Variants in ARHGEF4 observed in about 807,000 individuals in gnomAD.
ARHGEF4 encodes Rho guanine nucleotide exchange factor 4, also known as APC-stimulated guanine nucleotide exchange factor 1.
A neutral mutation model predicts 162.0 loss-of-function variants in ARHGEF4; 119 were observed. The observed-to-expected ratio is 0.73, with a 90% CI of 0.63 to 0.86. The LOEUF is 0.86. ARHGEF4 is among the 40% of genes least tolerant of loss of function. The pLI is 0.00. For synonymous variants in ARHGEF4, 1,014 were observed against 979.9 expected, an observed-to-expected ratio of 1.03 and a Z score of -0.65; for missense variants, 2,488 against 2,456.0, an observed-to-expected ratio of 1.01 and a Z score of -0.28.
intron 4 of ARHGEF4, among the ~76,000 whole-genome samples, chr2:130,954,205 G>A (rs80340336): frequency 2.3e-4 from 35 of 152,264 alleles, no homozygotes; most frequent in Admixed American, 5.2e-4. Context: ...TATATACACC[G>A]TGGAATACTA....
chr2:130,984,688 T>TA (rs78222237), intron 4 of ARHGEF4, among the ~76,000 whole-genome samples: 92,936 of 137,414 alleles, frequency 0.68, 33,304 homozygotes, highest in Non-Finnish European at 0.81. Flanking sequence ...GGCTCTGTCT[T>TA]AAAAAAAAAA....
At chr2:130,843,418 G>A (rs949580287) in intron 1 of ARHGEF4, among the ~76,000 whole-genome samples, 1 of 152,224 alleles carries the variant, frequency 6.6e-6, no homozygotes, top group Non-Finnish European at 1.5e-5. Flanking sequence ...TGGTGGAGTG[G>A]GTGGGGCAGA....
chr2:130,838,664 G>GGGAA (rs1354744492), intron 1 of ARHGEF4, among the ~76,000 whole-genome samples: 1 of 151,804 alleles, frequency 6.6e-6, no homozygotes, highest in Non-Finnish European at 1.5e-5. Context: ...GAAGGAGGGA[G>GGGAA]GGAAGGAAGG....
intron 1 of ARHGEF4, among the ~76,000 whole-genome samples, chr2:130,864,735 A>G (rs1682146599): frequency 6.6e-6 from 1 of 152,228 alleles, no homozygotes; most frequent in Admixed American, 6.5e-5. Context: ...AAACAAAAAC[A>G]AAAACAAAAA....
intron 4 of ARHGEF4, among the ~76,000 whole-genome samples, chr2:131,001,316 A>AAAC (rs1341345930): frequency 2.6e-5 from 4 of 151,356 alleles, no homozygotes; most frequent in African/African-American, 7.3e-5. Context: ...AAAAAAAAAA[A>AAAC]AAAAAAAAAA....
intron 1 of ARHGEF4, among the ~76,000 whole-genome samples, chr2:130,879,813 C>T (rs1227736661): frequency 6.6e-6 from 1 of 152,086 alleles, no homozygotes; most frequent in East Asian, 1.9e-4. Context: ...AGGTCTCGCT[C>T]TGTCTCCCAG....
At chr2:130,866,483 C>A (rs140134432) in intron 1 of ARHGEF4, among the ~76,000 whole-genome samples, 1 of 152,290 alleles carries the variant, frequency 6.6e-6, no homozygotes, top group Admixed American at 6.5e-5. Context: ...GGCAAAGGGA[C>A]TTCTCACTAG....
At chr2:130,960,925 G>C (rs977569510) in intron 4 of ARHGEF4, among the ~76,000 whole-genome samples, 1 of 152,192 alleles carries the variant, frequency 6.6e-6, no homozygotes, top group Non-Finnish European at 1.5e-5. Context: ...AATTACTGAG[G>C]TCTCCGGAAG....
chr2:130,879,776 T>A (rs954321976), intron 1 of ARHGEF4, among the ~76,000 whole-genome samples: 1 of 149,314 alleles, frequency 6.7e-6, no homozygotes, highest in Middle Eastern at 3.2e-3. Context: ...TTCTTTATTT[T>A]TTTATTTTTT....
chr2:131,044,738 C>T (rs759227896), intron 12 of ARHGEF4, among the ~76,000 whole-genome samples, 196 bp downstream of exon 12: 3 of 152,246 alleles, frequency 2.0e-5, no homozygotes, highest in African/African-American at 7.2e-5. Flanking sequence ...GTTACCTGAC[C>T]GCATCCCATG....
chr2:131,044,661 A>G (rs188981977), intron 12 of ARHGEF4, 119 bp downstream of exon 12: 1 of 1,347,570 alleles, frequency 7.4e-7, no homozygotes, highest in East Asian at 2.5e-5. Flanking sequence ...GGGTGTAGCA[A>G]GGCTCCAGGC....
intron 4 of ARHGEF4, among the ~76,000 whole-genome samples, chr2:131,025,032 G>C (rs1292123790): frequency 6.6e-6 from 1 of 152,118 alleles, no homozygotes; most frequent in Non-Finnish European, 1.5e-5. Context: ...CCTCCAGGTC[G>C]GAGACAGAGT....
At chr2:130,973,773 A>G (rs913177826) in intron 4 of ARHGEF4, among the ~76,000 whole-genome samples, 4 of 152,210 alleles carry the variant, frequency 2.6e-5, no homozygotes, top group African/African-American at 7.2e-5. Flanking sequence ...CCAACATTAC[A>G]TATCAAAACT....
chr2:130,937,083 C>T (rs1360059105), intron 3 of ARHGEF4, among the ~76,000 whole-genome samples: 5 of 151,006 alleles, frequency 3.3e-5, no homozygotes, highest in Non-Finnish European at 7.4e-5. Context: ...AATTTTTTTT[C>T]TATTTTTAGT....
At chr2:130,874,658 C>A (rs1678708192) in intron 1 of ARHGEF4, among the ~76,000 whole-genome samples, 1 of 152,126 alleles carries the variant, frequency 6.6e-6, no homozygotes, top group Admixed American at 6.5e-5. Flanking sequence ...CTGTTCCCCC[C>A]ACTGGTAGCA....
In ARHGEF4 at chr2:131,040,373, C is replaced by A; in HGVS notation, c.4595C>A (p.Ala1532Asp). Residue 1532 changes from alanine (A) to aspartate (D), a missense_variant, in exon 8 of 14, where the codon GCC becomes GAC. By Grantham distance (126) the Ala-to-Asp change is moderately radical. Transcript: ENST00000409359. Reference sequence around the variant, plus strand: ...CGCTGCCAGAAGGCCTTCGTGAAGGCCCTGGAGCAGAGGTTCAACCGCGAG... The same window carrying A: ...CGCTGCCAGAAGGCCTTCGTGAAGGACCTGGAGCAGAGGTTCAACCGCGAG... ...IYRCQKAFVK[A>D]LEQRFNRERP... The A allele has an allele frequency of 6.2e-7, 1 of 1,610,714 alleles. No homozygotes were observed. The highest frequency in any genetic ancestry group is 1.1e-5 in the South Asian group (1 of 90,650).
intron 1 of ARHGEF4, among the ~76,000 whole-genome samples, chr2:130,849,764 C>T (rs547298091): frequency 4.6e-5 from 7 of 152,182 alleles, no homozygotes; most frequent in African/African-American, 1.7e-4. Flanking sequence ...GACAGTGTTT[C>T]ACCACGTCCA....
intron 1 of ARHGEF4, among the ~76,000 whole-genome samples, chr2:130,905,931 C>T (rs1305496480): frequency 2.0e-5 from 3 of 152,194 alleles, no homozygotes; most frequent in Non-Finnish European, 4.4e-5. Context: ...GGGGGAACTA[C>T]TGTATCCAGT....
At chr2:130,962,023 G>A (rs1264649368) in intron 4 of ARHGEF4, among the ~76,000 whole-genome samples, 2 of 151,970 alleles carry the variant, frequency 1.3e-5, no homozygotes, top group East Asian at 1.9e-4. Flanking sequence ...GGCGGATCAC[G>A]AGGTCAGGAG....
Sources: gnomAD v4.1 joint callset for allele counts (sites outside exome capture counted in the v4.1 genomes callset) on GRCh38, gnomAD v4.1.1 for gene constraint, MANE v1.5 for transcripts, NCBI Gene and HGNC (gene_info 2026-07-23, HGNC 2026-07-21) for gene names.